PDE4D: variants seen among roughly 807,000 people sequenced by gnomAD.
PDE4D encodes phosphodiesterase 4D.
A neutral mutation model predicts 87.4 loss-of-function variants in PDE4D; 24 were observed. The observed-to-expected ratio is 0.27, with a 90% confidence interval of 0.20 to 0.39. The LOEUF (loss-of-function observed/expected upper bound fraction) is 0.39. Ranked by LOEUF, PDE4D falls within the 10% of genes least tolerant of loss-of-function variation. The pLI, the probability that PDE4D is intolerant of heterozygous loss-of-function variation, is 1.00. For missense variants in PDE4D, 714 were observed against 1,041.0 expected, an observed-to-expected ratio of 0.69 and a Z score of 4.32; for synonymous variants, 384 against 383.2, an observed-to-expected ratio of 1.00 and a Z score of -0.02.
chr5:59,973,184 A>G (rs571607155), intron 3 of PDE4D, among the ~76,000 whole-genome samples: 1 of 152,338 alleles, frequency 6.6e-6, no homozygotes, highest in Non-Finnish European at 1.5e-5. Context: ...GTATGAATGA[A>G]ATTGTAAATA....
rs1308895507 is a variant in PDE4D at position 60,107,343 on chromosome 5, A to C, written c.42+78214T>G. 5.3e-5 allele frequency among the ~76,000 whole-genome samples: 8 copies of C among 152,138 alleles called. No homozygotes were observed. In the East Asian group the frequency reaches 7.7e-4, roughly 15 times the overall value. The stretch of plus-strand genomic sequence containing the variant: ...AATCTCTGAATAGACCAATAACAGG[A>C]TCTGAAATTGTGGCAATAATCAATA... On this transcript the variant is annotated intron_variant, in intron 2 of 16. Coordinates refer to the PDE4D transcript ENST00000502484.
chr5:60,283,098 G>A (rs1752096869), intron 1 of PDE4D, among the ~76,000 whole-genome samples: 1 of 152,012 alleles, frequency 6.6e-6, no homozygotes, highest in Non-Finnish European at 1.5e-5. Context: ...ATTACTGAGA[G>A]GGGTGGTAAA....
rs1361469026 is a variant in PDE4D, at chr5:59,261,859, C to T, written c.456-45891G>A. ...AACAATTTACCTAGAATAAAAATAT[C>T]TCTTATTAAAATGGCATGGATTTCC... On this transcript the variant is annotated intron_variant, in intron 1 of 14. Coordinates refer to ENST00000340635, the MANE Select transcript of PDE4D (RefSeq NM_001104631.2). 9.2e-5 allele frequency among the ~76,000 whole-genome samples: 14 copies of T among 151,818 alleles called. No individual in the cohort carries two copies. The East Asian group carries it at 2.7e-3, about 29-fold the overall frequency.
chr5:60,380,058 G>A (rs997207766), intron 1 of PDE4D, among the ~76,000 whole-genome samples: 3 of 152,216 alleles, frequency 2.0e-5, no homozygotes, highest in African/African-American at 7.2e-5. Context: ...AAATGTGCCC[G>A]ATGCTGGTTA....
chr5:59,505,579 C>T (rs1442092540), intron 1 of PDE4D, among the ~76,000 whole-genome samples: 2 of 152,174 alleles, frequency 1.3e-5, no homozygotes, highest in African/African-American at 2.4e-5. Context: ...TTAGAATCTA[C>T]TATGTGCCAA....
chr5:60,420,712 A>G (rs1187035104), intron 1 of PDE4D, among the ~76,000 whole-genome samples: 1 of 152,216 alleles, frequency 6.6e-6, no homozygotes, highest in Non-Finnish European at 1.5e-5. Flanking sequence ...CAGTGGGTGC[A>G]GCCCATGGAG....
intron 2 of PDE4D, among the ~76,000 whole-genome samples, chr5:60,023,769 G>A (rs1766330213): frequency 6.6e-6 from 1 of 152,114 alleles, no homozygotes; most frequent in Admixed American, 6.6e-5. Context: ...TTTAAGTCCT[G>A]TAAGTAGAAA....
rs1156467369 is a variant in PDE4D, at chr5:59,649,905, C to CTTTTTTT, written c.455+243256_455+243262dup. Among the ~76,000 whole-genome samples the CTTTTTTT allele has an allele frequency of 1.0e-3, 76 of 72,428 alleles. 9 individuals carry two copies. Among genetic ancestry groups the CTTTTTTT allele is most frequent in the African/African-American group, 1.5e-3 (23 of 15,156 alleles). The allele number at this position is 72,428 out of a possible 152,430, so 47.5% of individuals were successfully genotyped here. A position where few individuals can be genotyped will look rare whatever the true frequency, so the allele number is the denominator to read the frequency against. On this transcript the variant is annotated intron_variant, in intron 1 of 14. Transcript: ENST00000340635. ...GTTAAAATGTTGATAGTTTGTGAAC[C>CTTTTTTT]TTTTTTTTTTTTTTTTTTTTTTTTT... is the stretch of plus-strand genomic sequence containing the variant.
intron 1 of PDE4D, among the ~76,000 whole-genome samples, chr5:59,544,128 G>C (rs1816848147): frequency 6.6e-6 from 1 of 152,126 alleles, no homozygotes; most frequent in South Asian, 2.1e-4. Context: ...CAGGAGGGGA[G>C]GTGTGGAAAT....
chr5:60,329,819 A>T (rs1757161356), intron 1 of PDE4D, among the ~76,000 whole-genome samples: 1 of 152,188 alleles, frequency 6.6e-6, no homozygotes. Flanking sequence ...TGTCAATGCA[A>T]TCTAAACTTG....
intron 1 of PDE4D, among the ~76,000 whole-genome samples, chr5:60,384,074 A>G (rs1360044255): frequency 6.6e-6 from 1 of 152,252 alleles, no homozygotes; most frequent in African/African-American, 2.4e-5. Flanking sequence ...CAGCTATGGT[A>G]TTAAATCTTA....
At chr5:60,491,259 G>A (rs1475407814), upstream of PDE4D, 2 of 152,184 alleles carry the variant, frequency 1.3e-5, no homozygotes, top group Non-Finnish European at 2.9e-5. Flanking sequence ...TAAAAATCAT[G>A]ATACTAGAGA....
intron 1 of PDE4D, chr5:59,586,403 TTTC>T (rs1282109090): frequency 6.2e-7 from 1 of 1,608,800 alleles, no homozygotes; most frequent in Non-Finnish European, 8.5e-7. Context: ...CATTAATATT[TTTC>T]TTGTCTCCTA....
chr5:59,657,707 C>T (rs985690661), intron 1 of PDE4D, among the ~76,000 whole-genome samples: 1 of 152,012 alleles, frequency 6.6e-6, no homozygotes, highest in African/African-American at 2.4e-5. Context: ...TCAATAAAAT[C>T]GCAATTCTTC....
chr5:59,765,963 G>A (rs1169829866), intron 1 of PDE4D, among the ~76,000 whole-genome samples: 3 of 152,210 alleles, frequency 2.0e-5, no homozygotes, highest in Admixed American at 1.3e-4. Context: ...GTTAGACTCA[G>A]TAGGTATTAA....
intron 1 of PDE4D, among the ~76,000 whole-genome samples, chr5:59,623,200 G>A (rs1830528603): frequency 6.6e-6 from 1 of 152,088 alleles, no homozygotes; most frequent in Admixed American, 6.6e-5. Flanking sequence ...AGTTTCTTCT[G>A]CTCCAACATT....
At position 59,246,871 on chromosome 5, in the gene PDE4D, A is replaced by C. The variant is rs116563514; in HGVS notation, c.456-30903T>G. Among the ~76,000 whole-genome samples the C allele has an allele frequency of 1.6e-3, 241 of 152,310 alleles. 2 individuals carry two copies. The highest frequency in any genetic ancestry group is 5.4e-3 in the African/African-American group (224 of 41,590). On this transcript the variant is annotated intron_variant, in intron 1 of 14. Transcript: ENST00000340635. ...ACTACTTTGTCAGAACTCTACAACT[A>C]AATATTTATAACCCTCAAATACACA...
At chr5:59,877,498 AAAG>A (rs578184969) in intron 1 of PDE4D, among the ~76,000 whole-genome samples, 25,867 of 136,354 alleles carry the variant, frequency 0.19, 2,457 homozygotes, top group Admixed American at 0.27. Flanking sequence ...AAAAAAAAAA[AAAG>A]AAGAAGAACA....
chr5:59,454,585 C>G (rs1346558883), intron 1 of PDE4D, among the ~76,000 whole-genome samples: 1 of 152,040 alleles, frequency 6.6e-6, no homozygotes, highest in African/African-American at 2.4e-5. Flanking sequence ...TGAAAACAGA[C>G]TAATAGAGTA....
Sources: gnomAD v4.1 joint callset for allele counts (sites outside exome capture counted in the v4.1 genomes callset) on GRCh38, gnomAD v4.1.1 for gene constraint, MANE v1.5 for transcripts, NCBI Gene and HGNC (gene_info 2026-07-23, HGNC 2026-07-21) for gene names.